The following NRXN3 variants were observed in gnomAD, a reference collection of about 807,000 sequenced individuals.
NRXN3 encodes neurexin III.
In NRXN3, 32 loss-of-function variants were observed where a neutral mutation model predicts 137.6. The observed-to-expected ratio is 0.23, with a 90% CI of 0.18 to 0.31. The LOEUF is 0.31. NRXN3 is among the 10% of genes least tolerant of loss of function. The pLI, the probability that NRXN3 is intolerant of heterozygous loss-of-function variation, is 1.00. For missense variants in NRXN3, 1,574 were observed against 2,062.5 expected (o/e 0.76, Z 4.59); for synonymous variants, 798 against 784.5 (o/e 1.02, Z -0.29).
At chr14:79,280,649 AATG>A (rs1476271439) in intron 15 of NRXN3, 16 of 1,123,680 alleles carry the variant, frequency 1.4e-5, no homozygotes, top group Admixed American at 6.5e-5. Flanking sequence ...ATGAATTTAA[AATG>A]ATGAAAAGCA....
At chr14:78,269,550 A>G (rs2072371642) in intron 2 of NRXN3, among the ~76,000 whole-genome samples, 1 of 152,184 alleles carries the variant, frequency 6.6e-6, no homozygotes, top group African/African-American at 2.4e-5. Context: ...AATGTACTTA[A>G]TACTACTGAA....
At chr14:79,491,374 G>A (rs2096715262) in intron 16 of NRXN3, among the ~76,000 whole-genome samples, 1 of 152,120 alleles carries the variant, frequency 6.6e-6, no homozygotes, top group African/African-American at 2.4e-5. Context: ...AGCCACTAGA[G>A]TGAAAAGTGA....
intron 16 of NRXN3, among the ~76,000 whole-genome samples, chr14:79,516,453 A>G (rs1377293487): frequency 1.3e-5 from 2 of 152,216 alleles, no homozygotes; most frequent in East Asian, 1.9e-4. Context: ...GCTGCAAGGT[A>G]TGAGACACTG....
At chr14:78,171,284 C>T (rs1351014234) in intron 1 of NRXN3, among the ~76,000 whole-genome samples, 1 of 142,988 alleles carries the variant, frequency 7.0e-6, no homozygotes, top group African/African-American at 2.6e-5. Flanking sequence ...TCAGGTTGGA[C>T]TCCTGTCTTG....
At chr14:79,507,360 ACT>A (rs1177352304) in intron 16 of NRXN3, among the ~76,000 whole-genome samples, 1 of 152,048 alleles carries the variant, frequency 6.6e-6, no homozygotes, top group Non-Finnish European at 1.5e-5. Context: ...GTACATAGGA[ACT>A]CTCTGTACTA....
chr14:79,485,846 C>T (rs2096651099), intron 16 of NRXN3, among the ~76,000 whole-genome samples: 1 of 152,060 alleles, frequency 6.6e-6, no homozygotes, highest in Admixed American at 6.6e-5. Context: ...TTAGAGCAAT[C>T]CTGGAAGCTT....
intron 6 of NRXN3, among the ~76,000 whole-genome samples, chr14:78,659,962 C>T (rs1035875292): frequency 3.3e-5 from 5 of 152,010 alleles, no homozygotes; most frequent in Non-Finnish European, 7.3e-5. Flanking sequence ...GCAGTTTGGA[C>T]CCATAACATA....
chr14:79,164,727 T>C (rs2061128044), intron 15 of NRXN3, among the ~76,000 whole-genome samples: 1 of 151,998 alleles, frequency 6.6e-6, no homozygotes, highest in South Asian at 2.1e-4. Context: ...AAATCTAAAG[T>C]TAAGAGAAAT....
chr14:78,444,772 A>G (rs1416525197), intron 4 of NRXN3, among the ~76,000 whole-genome samples: 2 of 151,674 alleles, frequency 1.3e-5, no homozygotes, highest in Admixed American at 1.3e-4. Flanking sequence ...ATACAAAATG[A>G]GCCGGGCCTC....
At chr14:79,192,104 G>A (rs1318582447) in intron 15 of NRXN3, among the ~76,000 whole-genome samples, 3 of 152,140 alleles carry the variant, frequency 2.0e-5, no homozygotes, top group Non-Finnish European at 2.9e-5. Flanking sequence ...GGCCAGGCTG[G>A]CCTGGAACTC....
intron 19 of NRXN3, among the ~76,000 whole-genome samples, chr14:79,744,983 A>C (rs1041115343): frequency 1.3e-5 from 2 of 151,340 alleles, no homozygotes; most frequent in Non-Finnish European, 2.9e-5. Context: ...AGCCAGGACC[A>C]GTTTAAGTCA....
chr14:79,103,122 T>C (rs1007495074), intron 15 of NRXN3, among the ~76,000 whole-genome samples: 4 of 152,160 alleles, frequency 2.6e-5, no homozygotes, highest in Non-Finnish European at 5.9e-5. Flanking sequence ...TCTGTACACC[T>C]TGCTGCAAAA....
intron 16 of NRXN3, among the ~76,000 whole-genome samples, chr14:79,614,968 A>C (rs1415029528): frequency 6.6e-6 from 1 of 152,214 alleles, no homozygotes; most frequent in Non-Finnish European, 1.5e-5. Context: ...TGGAGGTATT[A>C]AAACTAGGCT....
At chr14:78,437,079 C>T (rs1307178794) in intron 4 of NRXN3, among the ~76,000 whole-genome samples, 2 of 152,170 alleles carry the variant, frequency 1.3e-5, no homozygotes, top group Non-Finnish European at 2.9e-5. Context: ...ATAGCATCCC[C>T]TTCATGTGGT....
intron 16 of NRXN3, among the ~76,000 whole-genome samples, chr14:79,589,196 A>G (rs1360842768): frequency 6.6e-6 from 1 of 152,198 alleles, no homozygotes; most frequent in African/African-American, 2.4e-5. Flanking sequence ...TTGAGGCTAC[A>G]GTGAGCTGTG....
chr14:78,347,197 A>G (rs746035210), intron 4 of NRXN3, among the ~76,000 whole-genome samples: 1 of 152,192 alleles, frequency 6.6e-6, no homozygotes, highest in Non-Finnish European at 1.5e-5. Flanking sequence ...TGTAGCAGGC[A>G]ATGTTTTATG....
rs183880688 is a variant in NRXN3 at position 79,345,054 on chromosome 14, C to T, written c.3263-122167C>T. 1.7e-3 allele frequency among the ~76,000 whole-genome samples: 264 copies of T among 152,218 alleles called. 3 individuals carry two copies. The highest frequency in any genetic ancestry group is 6.1e-3 in the African/African-American group (252 of 41,530). ...CTTTCTAACATATGTCCTCTATTCA[C>T]GAAGAACAAGAAAACATCTCCAGTT... On this transcript the variant is annotated intron_variant, in intron 15 of 20. Transcript: ENST00000335750.
intron 19 of NRXN3, among the ~76,000 whole-genome samples, chr14:79,775,553 GAAAAAAAA>G (rs749252781): frequency 7.2e-5 from 5 of 69,042 alleles, no homozygotes; most frequent in African/African-American, 2.4e-4. Context: ...GGCTCTAACC[GAAAAAAAA>G]AAAAAAAAAA....
intron 15 of NRXN3, among the ~76,000 whole-genome samples, chr14:79,296,186 T>C (rs1376120803): frequency 6.6e-6 from 1 of 152,112 alleles, no homozygotes; most frequent in African/African-American, 2.4e-5. Context: ...AGTTCTTCTT[T>C]TACAAAAGGT....
Sources: allele counts gnomAD v4.1 joint callset (sites outside exome capture counted in the v4.1 genomes callset), GRCh38; gene constraint gnomAD v4.1.1; transcripts MANE v1.5; gene names NCBI Gene and HGNC (gene_info 2026-07-23, HGNC 2026-07-21).